ABL1: variants seen among roughly 807,000 people sequenced by gnomAD.
The protein encoded by ABL1 is tyrosine-protein kinase ABL1.
Under a neutral mutation model 94.7 loss-of-function variants are expected in ABL1, and 11 were observed. The ratio of observed to expected loss-of-function variants is 0.12; its 90% confidence interval spans 0.07 to 0.19. The LOEUF (loss-of-function observed/expected upper bound fraction) is 0.19, where lower values mean the gene tolerates loss of function less well. Among genes scored for constraint, ABL1 ranks in the 10% least tolerant of loss-of-function variants. The pLI is 1.00. For missense variants in ABL1, 1,082 were observed against 1,489.4 expected (o/e 0.73, Z 4.50); for synonymous variants, 656 against 622.4 (o/e 1.05, Z -0.80).
chr9:130,880,404 C>T lies in ABL1; in HGVS notation c.1514-96C>T. On this transcript the variant is annotated intron_variant, in intron 9 of 10. Coordinates refer to ENST00000318560, the MANE Select transcript of ABL1 (RefSeq NM_005157.6). The surrounding 1 kb of genome is among the most constrained non-coding windows in gnomAD (Gnocchi z 4.4). ...TTTTCTTTAGTTGTATGCAGATGAG[C>T]ACTGTTACCTTACAAAGAAAGAGAA... The T allele has an allele frequency of 2.1e-6, 3 of 1,426,712 alleles. No individual in the cohort carries two copies. The highest frequency in any genetic ancestry group is 2.9e-6 in the Non-Finnish European group (3 of 1,036,514). The allele number at this position is 1,426,712 out of a possible 1,614,324, so 88.4% of individuals were successfully genotyped here.
intron 1 of ABL1, among the ~76,000 whole-genome samples, chr9:130,749,836 A>G (rs1831933238): frequency 1.3e-5 from 2 of 152,268 alleles, no homozygotes; most frequent in Admixed American, 6.5e-5. Context: ...CAAGATCTCC[A>G]TTCCATTGCT....
At chr9:130,819,143 G>A (rs1723185909) in intron 1 of ABL1, among the ~76,000 whole-genome samples, 1 of 152,132 alleles carries the variant, frequency 6.6e-6, no homozygotes, top group African/African-American at 2.4e-5. Context: ...CACAAGGTCA[G>A]GAGTTCGAGA....
intron 1 of ABL1, among the ~76,000 whole-genome samples, chr9:130,804,966 C>T (rs1830106043): frequency 6.6e-6 from 1 of 152,234 alleles, no homozygotes; most frequent in Non-Finnish European, 1.5e-5. Flanking sequence ...TGTCTTTAGA[C>T]AGGCAAGACA....
At chr9:130,730,046 C>CTTTTTTTT (rs138446676) in intron 1 of ABL1, among the ~76,000 whole-genome samples, 2 of 107,166 alleles carry the variant, frequency 1.9e-5, no homozygotes, top group African/African-American at 7.8e-5. Flanking sequence ...CCCAGCCAGA[C>CTTTTTTTT]TTTTTTTTTT....
chr9:130,741,355 G>A (rs551188983), intron 1 of ABL1, among the ~76,000 whole-genome samples: 11 of 152,088 alleles, frequency 7.2e-5, no homozygotes, highest in African/African-American at 2.7e-4. Flanking sequence ...AACAGTTACA[G>A]CACTGGTATA....
chr9:130,837,691 A>G (rs1015660351), intron 1 of ABL1, among the ~76,000 whole-genome samples: 3 of 152,122 alleles, frequency 2.0e-5, no homozygotes, highest in Admixed American at 6.6e-5. Context: ...TGGAATTATC[A>G]TTTTGTAGTT....
intron 1 of ABL1, among the ~76,000 whole-genome samples, chr9:130,746,081 G>C (rs1281093223): frequency 6.6e-6 from 1 of 152,180 alleles, no homozygotes; most frequent in Non-Finnish European, 1.5e-5. Context: ...TCAAATCTCA[G>C]CTGCTCACTT....
intron 1 of ABL1, among the ~76,000 whole-genome samples, chr9:130,836,161 G>C (rs1414372186): frequency 6.6e-6 from 1 of 152,168 alleles, no homozygotes; most frequent in African/African-American, 2.4e-5. Context: ...CTCTTTTCAG[G>C]GGAGGGGAGC....
intron 1 of ABL1, among the ~76,000 whole-genome samples, chr9:130,743,298 C>T (rs1831842945): frequency 6.6e-6 from 1 of 152,184 alleles, no homozygotes; most frequent in Non-Finnish European, 1.5e-5. Flanking sequence ...GACTTGAACT[C>T]GTGACCTCAG....
chr9:130,809,452 G>A lies in ABL1; in HGVS notation c.137-44612G>A, dbSNP rs143851203. 3.4e-3 allele frequency among the ~76,000 whole-genome samples: 496 copies of A among 147,996 alleles called. 5 individuals are homozygous for A. Among genetic ancestry groups the A allele is most frequent in the African/African-American group, 0.012 (483 of 39,018 alleles). ...TGTGTGTGTGTGTGTGTGCACGTGTGAAGAAATTTATTGTAAGGAATTGCC... is the reference window on the plus strand; with the variant it reads ...TGTGTGTGTGTGTGTGTGCACGTGTAAAGAAATTTATTGTAAGGAATTGCC... On this transcript the variant is annotated intron_variant, in intron 1 of 10. Coordinates refer to the ABL1 transcript ENST00000372348.
At chr9:130,871,185 A>G (rs750286756) in intron 4 of ABL1, among the ~76,000 whole-genome samples, 11 of 152,218 alleles carry the variant, frequency 7.2e-5, no homozygotes, top group Non-Finnish European at 1.0e-4. Context: ...CAAACAGACC[A>G]TATCATTTAA....
At chr9:130,881,584 C>T (rs554946821) in intron 10 of ABL1, among the ~76,000 whole-genome samples, 6 of 152,258 alleles carry the variant, frequency 3.9e-5, no homozygotes, top group African/African-American at 1.4e-4. Context: ...GAGAAACCTC[C>T]CCATGATTCA....
chr9:130,852,472 G>A (rs900507716), intron 1 of ABL1, among the ~76,000 whole-genome samples: 2 of 152,182 alleles, frequency 1.3e-5, no homozygotes, highest in African/African-American at 4.8e-5. Context: ...GCCTCCCAAT[G>A]TTCTAGGGTT....
intron 10 of ABL1, among the ~76,000 whole-genome samples, chr9:130,882,901 G>T (rs1181991676): frequency 2.6e-5 from 4 of 152,142 alleles, no homozygotes; most frequent in Non-Finnish European, 4.4e-5. Context: ...TGTTGGCCGG[G>T]CGTGGTGGCT....
chr9:130,846,179 C>G (rs1218738046), intron 1 of ABL1, among the ~76,000 whole-genome samples: 2 of 151,520 alleles, frequency 1.3e-5, no homozygotes, highest in African/African-American at 4.9e-5. Context: ...AATAAAGGAC[C>G]ATGTAGAAAT....
In ABL1 at chr9:130,735,961, A is replaced by ATATATATTTTT. The variant is rs573602038; in HGVS notation, c.136+21507_136+21508insATATATTTTTT. 2.2e-3 allele frequency among the ~76,000 whole-genome samples: 210 copies of ATATATATTTTT among 94,792 alleles called. 3 individuals are homozygous for ATATATATTTTT. The highest frequency in any genetic ancestry group is 7.6e-3 in the South Asian group (23 of 3,042). 62.2% of individuals were successfully genotyped at this position (94,792 alleles called of 152,430 possible). The stretch of plus-strand genomic sequence containing the variant: ...TATATATATATATATATATATATAT[A>ATATATATTTTT]TTTTTTTTTTTTAAGACAGGGTCTG... On this transcript the variant is annotated intron_variant, in intron 1 of 10. Coordinates refer to the ABL1 transcript ENST00000372348.
At chr9:130,718,942 T>C (rs1333696948) in intron 1 of ABL1, among the ~76,000 whole-genome samples, 1 of 152,196 alleles carries the variant, frequency 6.6e-6, no homozygotes, top group Non-Finnish European at 1.5e-5. Context: ...TAGGGATGTT[T>C]GTTGCTGAAG....
chr9:130,870,283 A>G (rs73656062), intron 4 of ABL1, among the ~76,000 whole-genome samples: 5,529 of 152,046 alleles, frequency 0.036, 172 homozygotes, highest in African/African-American at 0.07. Flanking sequence ...TTTGAGAGCC[A>G]TGTTCCTTTT....
At chr9:130,860,866 C>T (rs1831059842) in intron 3 of ABL1, among the ~76,000 whole-genome samples, 2 of 152,184 alleles carry the variant, frequency 1.3e-5, no homozygotes, top group South Asian at 4.1e-4. Context: ...TGGGAGCTGA[C>T]CCCAGGTCCC....
Sources: gnomAD v4.1 joint callset for allele counts (sites outside exome capture counted in the v4.1 genomes callset) on GRCh38, gnomAD v4.1.1 for gene constraint, Gnocchi (gnomAD v3.1) non-coding constraint, MANE v1.5 for transcripts, NCBI Gene and HGNC (gene_info 2026-07-23, HGNC 2026-07-21) for gene names.